The following ATXN3 variants were observed in gnomAD, a reference collection of about 807,000 sequenced individuals.
The protein encoded by ATXN3 is ataxin 3.
Under a neutral mutation model 58.2 loss-of-function variants are expected in ATXN3, and 28 were observed. The observed-to-expected ratio is 0.48, with a 90% confidence interval of 0.36 to 0.66. The LOEUF (loss-of-function observed/expected upper bound fraction) is 0.66, where lower values mean the gene tolerates loss of function less well. Among genes scored for constraint, ATXN3 ranks in the 30% least tolerant of loss-of-function variants. The pLI, the probability that ATXN3 is intolerant of heterozygous loss-of-function variation, is 0.00. For synonymous variants in ATXN3, 113 were observed against 138.5 expected (o/e 0.82, Z 1.29); for missense variants, 321 against 422.1 (o/e 0.76, Z 2.10).
chr14:92,086,823 A>AAG (rs1555403362), intron 6 of ATXN3, among the ~76,000 whole-genome samples: 7 of 139,240 alleles, frequency 5.0e-5, no homozygotes, highest in East Asian at 2.5e-4. Context: ...TTACAAAAAA[A>AAG]GGGGGGGGGA....
chr14:92,086,188 A>G (rs1162162116), intron 6 of ATXN3, among the ~76,000 whole-genome samples: 1 of 143,580 alleles, frequency 7.0e-6, no homozygotes, highest in East Asian at 2.1e-4. Context: ...CAGGTGGATC[A>G]CTCGAGGCCA....
intron 1 of ATXN3, among the ~76,000 whole-genome samples, chr14:92,048,351 T>C (rs2057436325): frequency 6.6e-6 from 1 of 152,138 alleles, no homozygotes; most frequent in African/African-American, 2.4e-5. Context: ...ACCTTGAAGG[T>C]GATGTTAATT....
At chr14:92,076,396 C>T (rs1481154695) in intron 9 of ATXN3, among the ~76,000 whole-genome samples, 4 of 146,428 alleles carry the variant, frequency 2.7e-5, no homozygotes, top group African/African-American at 5.1e-5. Context: ...TGCAGTGAGC[C>T]GAGATCGCGC....
rs1461690032 is a variant in ATXN3, at chr14:92,061,415, T to A, written c.*2905A>T. 1 of 152,212 alleles carries A rather than the reference T, an allele frequency of 6.6e-6. No homozygotes were observed. The highest frequency in any genetic ancestry group is 1.5e-5 in the Non-Finnish European group (1 of 68,032). 9.4% of individuals were successfully genotyped at this position (152,212 alleles called of 1,614,324 possible). A position where few individuals can be genotyped will look rare whatever the true frequency, so the allele number is the denominator to read the frequency against. ...TAGATTGATGGTTTTAGATCAGAGA[T>A]TAACTATTCTGAATTTTAAAAACAT... On this transcript the variant is annotated 3_prime_UTR_variant, in exon 11 of 11. Transcript: ENST00000644486.
intron 10 of ATXN3, among the ~76,000 whole-genome samples, chr14:92,067,776 G>A (rs1488303513): frequency 1.3e-5 from 2 of 152,198 alleles, no homozygotes; most frequent in Non-Finnish European, 2.9e-5. Flanking sequence ...TTCCAATTTA[G>A]CAAGCCTCCA....
intron 9 of ATXN3, among the ~76,000 whole-genome samples, chr14:92,075,386 C>T (rs1482702962): frequency 6.6e-5 from 10 of 152,140 alleles, no homozygotes; most frequent in South Asian, 2.1e-4. Context: ...AGGCTAGTCT[C>T]GAACTCCTGA....
intron 3 of ATXN3, among the ~76,000 whole-genome samples, chr14:92,095,090 G>C (rs2064864500): frequency 7.2e-6 from 1 of 139,320 alleles, no homozygotes; most frequent in Non-Finnish European, 1.5e-5. Context: ...TTCAAAGAGA[G>C]CTATACATTA....
At chr14:92,051,885 G>C (rs529936788), upstream of ATXN3, among the ~76,000 whole-genome samples, 1 of 150,052 alleles carries the variant, frequency 6.7e-6, no homozygotes, top group East Asian at 2.0e-4. Flanking sequence ...GCGCCACCAT[G>C]CCCGGCTAAT....
At chr14:92,048,981 C>T (rs1363647337) in intron 1 of ATXN3, among the ~76,000 whole-genome samples, 2 of 152,156 alleles carry the variant, frequency 1.3e-5, no homozygotes, top group East Asian at 3.8e-4. Context: ...ATCTGAGGCA[C>T]CTCAGACCAT....
Position 92,080,827 on chromosome 14 carries a change from T to C in ATXN3, c.872+138A>G, listed in dbSNP as rs1001911412. 6 of 765,116 alleles carry C rather than the reference T, an allele frequency of 7.8e-6. No individual in the cohort carries two copies. In the Admixed American group the frequency reaches 1.2e-4, roughly 16 times the overall value. 47.4% of individuals were successfully genotyped at this position (765,116 alleles called of 1,614,324 possible). ...CTAGCATCACAGGCGTAAGCCACCG[T>C]GCCCGTCCTATTTGCTGTAAATTTT... On this transcript the variant is annotated intron_variant, in intron 9 of 10. Transcript: ENST00000644486.
At chr14:92,066,601 GTTTTT>G (rs66941473) in intron 10 of ATXN3, among the ~76,000 whole-genome samples, 34,906 of 108,502 alleles carry the variant, frequency 0.32, 4,492 homozygotes, top group East Asian at 0.43. Flanking sequence ...TTTTTTTCTT[GTTTTT>G]TTTTTTTTTT....
At chr14:92,092,325 G>T (rs1227131840) in intron 5 of ATXN3, among the ~76,000 whole-genome samples, 2 of 152,092 alleles carry the variant, frequency 1.3e-5, no homozygotes, top group Non-Finnish European at 1.5e-5. Flanking sequence ...GTCCTAGCTG[G>T]TTTTCAATAA....
Position 92,082,980 on chromosome 14 carries a change from G to C in ATXN3, c.608+146C>G, listed in dbSNP as rs112656324. 5 of 1,006,492 alleles carry C rather than the reference G, an allele frequency of 5.0e-6. No homozygotes were observed. The Admixed American group carries it at 1.3e-4, about 27-fold the overall frequency. 62.3% of individuals were successfully genotyped at this position (1,006,492 alleles called of 1,614,324 possible). A position where few individuals can be genotyped will look rare whatever the true frequency, so the allele number is the denominator to read the frequency against. On this transcript the variant is annotated intron_variant, in intron 7 of 10. Coordinates refer to ENST00000644486, the MANE Select transcript of ATXN3 (RefSeq NM_004993.6). Reference sequence around the variant, plus strand: ...TAAGTATTTCAAAGAGTTGATTCAAGTTTAAACTAATAAACTTCACTAAAA... The same window carrying C: ...TAAGTATTTCAAAGAGTTGATTCAACTTTAAACTAATAAACTTCACTAAAA...
At chr14:92,068,826 G>T (rs2058900584) in intron 10 of ATXN3, among the ~76,000 whole-genome samples, 1 of 152,086 alleles carries the variant, frequency 6.6e-6, no homozygotes, top group Non-Finnish European at 1.5e-5. Context: ...CCAACCTTAG[G>T]TGATCCACCC....
chr14:92,064,179 C>T lies in ATXN3; in HGVS notation c.*141G>A. On this transcript the variant is annotated 3_prime_UTR_variant, in exon 11 of 11. Coordinates refer to ENST00000644486, the MANE Select transcript of ATXN3 (RefSeq NM_004993.6). ...TAGTCCTACAACCGACGCATTGTTCCACTTTCCCATCATTTTGTTTGCAAA... is the reference window on the plus strand; with the variant it reads ...TAGTCCTACAACCGACGCATTGTTCTACTTTCCCATCATTTTGTTTGCAAA... 2 of 551,292 alleles carry T rather than the reference C, an allele frequency of 3.6e-6. No homozygotes were observed. Among genetic ancestry groups the T allele is most frequent in the Non-Finnish European group, 6.4e-6 (2 of 312,054 alleles). The allele number at this position is 551,292 out of a possible 1,614,324, so 34.2% of individuals were successfully genotyped here.
At chr14:92,098,215 C>T (rs1194921405) in intron 1 of ATXN3, among the ~76,000 whole-genome samples, 1 of 152,138 alleles carries the variant, frequency 6.6e-6, no homozygotes, top group Non-Finnish European at 1.5e-5. Flanking sequence ...AAGGGATCTT[C>T]CTGCCTCAGC....
downstream of ATXN3, among the ~76,000 whole-genome samples, chr14:92,057,421 CAACA>C (rs1019936541): frequency 3.5e-5 from 5 of 141,528 alleles, no homozygotes; most frequent in Admixed American, 1.5e-4. Flanking sequence ...TAAACAACAA[CAACA>C]AAGCGGGGGG....
chr14:92,064,209 T>G lies in ATXN3; in HGVS notation c.*111A>C. 1 of 686,348 alleles carries G rather than the reference T, an allele frequency of 1.5e-6. No homozygotes were observed. The highest frequency in any genetic ancestry group is 3.0e-5 in the East Asian group (1 of 33,544). 42.5% of individuals were successfully genotyped at this position (686,348 alleles called of 1,614,324 possible). ...TCCCATCATTTTGTTTGCAAACCGC[T>G]AAAAGTCTTATTTCCTCATCTCTTT... On this transcript the variant is annotated 3_prime_UTR_variant, in exon 11 of 11. Coordinates refer to ENST00000644486, the MANE Select transcript of ATXN3 (RefSeq NM_004993.6).
intron 9 of ATXN3, chr14:92,079,548 G>C (rs1387931628): frequency 1.1e-5 from 5 of 458,260 alleles, no homozygotes; most frequent in Non-Finnish European, 1.4e-5. Flanking sequence ...ATTTATAGGT[G>C]CTGCTAATAT....
Sources: allele counts gnomAD v4.1 joint callset (sites outside exome capture counted in the v4.1 genomes callset), GRCh38; gene constraint gnomAD v4.1.1; transcripts MANE v1.5; gene names NCBI Gene and HGNC (gene_info 2026-07-23, HGNC 2026-07-21).